The following MON2 variants were observed in gnomAD, a reference collection of about 807,000 sequenced individuals.
MON2 encodes MON2 regulator of endosome-to-Golgi trafficking, also known as protein MON2 homolog.
Under a neutral mutation model 208.6 loss-of-function variants are expected in MON2, and 84 were observed. The ratio of observed to expected loss-of-function variants is 0.40; its 90% CI spans 0.34 to 0.48. The LOEUF (loss-of-function observed/expected upper bound fraction) is 0.48. MON2 is among the 20% of genes least tolerant of loss of function. The pLI is 0.59. For synonymous variants in MON2, 660 were observed against 694.0 expected, an observed-to-expected ratio of 0.95 and a Z score of 0.77; for missense variants, 1,611 against 2,015.4, an observed-to-expected ratio of 0.80 and a Z score of 3.84.
chr12:62,579,032 T>C (rs2074897975), intron 31 of MON2, among the ~76,000 whole-genome samples: 1 of 151,950 alleles, frequency 6.6e-6, no homozygotes, highest in Admixed American at 6.5e-5. Context: ...GACCAGGAGT[T>C]TGAGACCAGC....
intron 24 of MON2, 113 bp downstream of exon 24, chr12:62,553,287 T>A: frequency 1.9e-6 from 2 of 1,038,918 alleles, no homozygotes; most frequent in Non-Finnish European, 2.8e-6. Context: ...TGCATTTGTG[T>A]ATTTGACAAA....
At chr12:62,491,790 G>A (rs1028164705) in intron 2 of MON2, among the ~76,000 whole-genome samples, 2 of 152,154 alleles carry the variant, frequency 1.3e-5, no homozygotes, top group African/African-American at 4.8e-5. Context: ...ATGTAACTTG[G>A]TTACTATTAA....
chr12:62,562,190 T>C (rs1397289527), intron 26 of MON2, among the ~76,000 whole-genome samples: 1 of 152,080 alleles, frequency 6.6e-6, no homozygotes, highest in Non-Finnish European at 1.5e-5. Flanking sequence ...GGAAGAGTTA[T>C]CCTATCAGAA....
chr12:62,473,148 T>C (rs887099044), intron 1 of MON2, among the ~76,000 whole-genome samples: 1 of 152,222 alleles, frequency 6.6e-6, no homozygotes, highest in Non-Finnish European at 1.5e-5. Context: ...AAATTGCCTT[T>C]AGTCTCATGA....
chr12:62,497,611 C>CTTTCT (rs1245054764), intron 4 of MON2, among the ~76,000 whole-genome samples: 1 of 151,880 alleles, frequency 6.6e-6, no homozygotes, highest in African/African-American at 2.4e-5. Flanking sequence ...CTGGCGGTTT[C>CTTTCT]TTTCTTTTCT....
At chr12:62,554,428 T>C (rs1031394138) in intron 24 of MON2, among the ~76,000 whole-genome samples, 4 of 152,174 alleles carry the variant, frequency 2.6e-5, no homozygotes, top group African/African-American at 9.7e-5. Context: ...GGGTGAAGCT[T>C]GATGCTGCTG....
intron 8 of MON2, among the ~76,000 whole-genome samples, chr12:62,518,527 C>T (rs993876992): frequency 8.5e-5 from 13 of 152,168 alleles, no homozygotes; most frequent in South Asian, 2.1e-4. Context: ...TCTTAGTTCT[C>T]GCTCTCTTTT....
rs767001217 is a variant in MON2 at position 62,566,383 on chromosome 12, A to T, written c.4256A>T (p.Asp1419Val). ...GAAAGGTCTTTAGAAGTAGTTGTGG[A>T]TTTATACCAAAAAACAGCGTGTCAC... Reference protein sequence around the residue: ...FAERSLEVVVDLYQKTACHKA... With the variant: ...FAERSLEVVVVLYQKTACHKA... The change falls in exon 29 of 35, where the codon GAT becomes GTT. Residue 1419 changes from aspartate to valine, a missense_variant. Asp to Val is a radical substitution (Grantham distance 152). Transcript: ENST00000393630. The T allele has an allele frequency of 6.2e-7, 1 of 1,613,602 alleles. No homozygotes were observed. The highest frequency in any genetic ancestry group is 2.2e-5 in the East Asian group (1 of 44,826).
intron 8 of MON2, among the ~76,000 whole-genome samples, chr12:62,512,793 C>CTT: frequency 1.3e-5 from 2 of 152,226 alleles, no homozygotes; most frequent in Admixed American, 1.3e-4. Flanking sequence ...CATGAAGACC[C>CTT]TGCTCCTACA....
In MON2 at chr12:62,467,091, G is replaced by T. The variant is rs1220734122; in HGVS notation, c.-117G>T. ...TCCGGGTTCGCAGCCCAGGGCCCAA[G>T]AAGCGGGCTGCTGAAGGACCAGAGA... On this transcript the variant is annotated 5_prime_UTR_variant, in exon 1 of 35. Coordinates refer to ENST00000393630, the MANE Select transcript of MON2 (RefSeq NM_015026.3). 1.3e-6 allele frequency: 1 copy of T among 791,746 alleles called. No individual in the cohort carries two copies. Among genetic ancestry groups the T allele is most frequent in the Non-Finnish European group, 2.1e-6 (1 of 485,480 alleles). The allele number at this position is 791,746 out of a possible 1,614,324, so 49.0% of individuals were successfully genotyped here.
chr12:62,548,350 T>C (rs1212576525), intron 22 of MON2, among the ~76,000 whole-genome samples: 1 of 152,086 alleles, frequency 6.6e-6, no homozygotes, highest in Non-Finnish European at 1.5e-5. Context: ...GTAGTATCAT[T>C]AACTAAATAG....
chr12:62,545,109 G>A, intron 21 of MON2, 101 bp downstream of exon 21: 1 of 665,418 alleles, frequency 1.5e-6, no homozygotes, highest in South Asian at 3.0e-5. Context: ...CTAAGAGTAG[G>A]GTTTTTAACT....
chr12:62,596,831 A>G lies in MON2; in HGVS notation c.*4082A>G, dbSNP rs1337049716. The G allele has an allele frequency of 6.6e-6, 1 of 152,208 alleles. No individual in the cohort carries two copies. The highest frequency in any genetic ancestry group is 1.5e-5 in the Non-Finnish European group (1 of 68,026). The allele number at this position is 152,208 out of a possible 1,614,324, so 9.4% of individuals were successfully genotyped here. On this transcript the variant is annotated 3_prime_UTR_variant, in exon 35 of 35. Coordinates refer to ENST00000393630, the MANE Select transcript of MON2 (RefSeq NM_015026.3). The stretch of plus-strand genomic sequence containing the variant: ...AGATGATATCTTTGTATCTTGATTT[A>G]TATACAGACCATTTCAGAGGAAGTT...
intron 1 of MON2, among the ~76,000 whole-genome samples, chr12:62,470,155 C>A (rs1191860959): frequency 6.6e-6 from 1 of 152,074 alleles, no homozygotes; most frequent in Non-Finnish European, 1.5e-5. Flanking sequence ...AATCTGTCCA[C>A]CTCCTACTCC....
At chr12:62,539,120 A>G (rs2073116180) in intron 19 of MON2, among the ~76,000 whole-genome samples, 1 of 152,192 alleles carries the variant, frequency 6.6e-6, no homozygotes, top group Non-Finnish European at 1.5e-5. Context: ...TAATTAAACA[A>G]AATACTTTCC....
intron 25 of MON2, among the ~76,000 whole-genome samples, chr12:62,558,918 G>C (rs2074096981): frequency 6.6e-6 from 1 of 151,932 alleles, no homozygotes; most frequent in Non-Finnish European, 1.5e-5. Flanking sequence ...GGCTGGTCCC[G>C]AACTCCTGAC....
At chr12:62,500,647 T>C (rs2070775631) in intron 5 of MON2, 136 bp from the exon 6 acceptor site, 1 of 513,286 alleles carries the variant, frequency 1.9e-6, no homozygotes, top group Non-Finnish European at 3.4e-6. Flanking sequence ...ATGTTAACAT[T>C]GGAAATTTTA....
At position 62,585,418 on chromosome 12, in the gene MON2, C is replaced by T. The variant is rs536771302; in HGVS notation, c.4824C>T (p.Leu1608=). The change falls in exon 33 of 35, where the codon CTC becomes CTT. Residue 1608 remains leucine, a synonymous_variant. Coordinates refer to ENST00000393630, the MANE Select transcript of MON2 (RefSeq NM_015026.3). The part of the protein sequence containing the change: ...PQEGYISRMA[L]SVLLKRSQDV... ...AAGGCTACATCTCACGAATGGCACTCTCAGTGCTTTTAAAGAGGTCCCAAG... is the reference window on the plus strand; with the variant it reads ...AAGGCTACATCTCACGAATGGCACTTTCAGTGCTTTTAAAGAGGTCCCAAG... 1.5e-5 allele frequency: 25 copies of T among 1,613,760 alleles called. No individual in the cohort carries two copies. The South Asian group carries it at 2.5e-4, about 16-fold the overall frequency.
chr12:62,578,587 A>C, intron 31 of MON2, 82 bp downstream of exon 31: 1 of 848,126 alleles, frequency 1.2e-6, no homozygotes, highest in Non-Finnish European at 1.8e-6. Context: ...CAGTTGCTGA[A>C]AGAATAAAGT....
Sources: gnomAD v4.1 joint callset for allele counts (sites outside exome capture counted in the v4.1 genomes callset) on GRCh38, gnomAD v4.1.1 for gene constraint, MANE v1.5 for transcripts, NCBI Gene and HGNC (gene_info 2026-07-23, HGNC 2026-07-21) for gene names.